Variants in KDM2A observed in about 807,000 individuals in gnomAD.
The protein encoded by KDM2A is lysine-specific demethylase 2A.
Under a neutral mutation model 137.3 loss-of-function variants are expected in KDM2A, and 3 were observed. The observed-to-expected ratio is 0.02, with a 90% confidence interval of 0.01 to 0.06. The LOEUF (loss-of-function observed/expected upper bound fraction) is 0.06, where lower values mean the gene tolerates loss of function less well. Among genes scored for constraint, KDM2A ranks in the 10% least tolerant of loss-of-function variants. The probability of loss-of-function intolerance (pLI) is 1.00; values close to 1 mark genes in which losing one functional copy is unlikely to be tolerated. For synonymous variants in KDM2A, 512 were observed against 541.5 expected, an observed-to-expected ratio of 0.95 and a Z score of 0.76; for missense variants, 738 against 1,510.6, an observed-to-expected ratio of 0.49 and a Z score of 8.48.
intron 2 of KDM2A, among the ~76,000 whole-genome samples, chr11:67,154,134 A>C (rs941599402): frequency 6.6e-6 from 1 of 152,220 alleles, no homozygotes; most frequent in African/African-American, 2.4e-5. Context: ...TTTATGCATT[A>C]TATTTGACTG....
At chr11:67,239,429 A>C (rs960759410) in intron 12 of KDM2A, among the ~76,000 whole-genome samples, 1 of 152,186 alleles carries the variant, frequency 6.6e-6, no homozygotes, top group Non-Finnish European at 1.5e-5. Context: ...ATTTTATTGA[A>C]TATCTCAATA....
At chr11:67,208,847 G>C (rs981312421) in intron 6 of KDM2A, among the ~76,000 whole-genome samples, 12 of 151,914 alleles carry the variant, frequency 7.9e-5, no homozygotes, top group African/African-American at 2.9e-4. Flanking sequence ...GAGAGGCTAA[G>C]ACAGGAGAAT....
chr11:67,139,608 G>A (rs1159956160), intron 2 of KDM2A, among the ~76,000 whole-genome samples: 1 of 152,012 alleles, frequency 6.6e-6, no homozygotes, highest in Non-Finnish European at 1.5e-5. Flanking sequence ...TGAACTCCTA[G>A]GCTCAAGTGA....
intron 2 of KDM2A, among the ~76,000 whole-genome samples, chr11:67,139,918 C>T (rs1856057446): frequency 6.6e-6 from 1 of 151,946 alleles, no homozygotes; most frequent in Non-Finnish European, 1.5e-5. Flanking sequence ...CTGTGTTGCA[C>T]TGGCTGGTCT....
chr11:67,151,119 C>G (rs1461302307), intron 2 of KDM2A, among the ~76,000 whole-genome samples: 1 of 152,054 alleles, frequency 6.6e-6, no homozygotes, highest in African/African-American at 2.4e-5. Flanking sequence ...ACCAATTATG[C>G]TGAAAATACA....
At chr11:67,200,317 G>A (rs931709048) in intron 5 of KDM2A, among the ~76,000 whole-genome samples, 2 of 152,002 alleles carry the variant, frequency 1.3e-5, no homozygotes, top group African/African-American at 2.4e-5. Context: ...CTGGGTTCAC[G>A]CCATTCTCCT....
chr11:67,151,120 T>C (rs1424963025), intron 2 of KDM2A, among the ~76,000 whole-genome samples: 1 of 152,164 alleles, frequency 6.6e-6, no homozygotes, highest in African/African-American at 2.4e-5. Flanking sequence ...CCAATTATGC[T>C]GAAAATACAG....
At chr11:67,138,086 G>A (rs1047916732) in intron 2 of KDM2A, among the ~76,000 whole-genome samples, 7 of 152,082 alleles carry the variant, frequency 4.6e-5, no homozygotes, top group South Asian at 2.1e-4. Context: ...GTGAACCACC[G>A]CGCCTGGCCA....
At chr11:67,125,473 A>G (rs1354510342) in intron 2 of KDM2A, among the ~76,000 whole-genome samples, 1 of 152,026 alleles carries the variant, frequency 6.6e-6, no homozygotes, top group Non-Finnish European at 1.5e-5. Flanking sequence ...AAAAAAAATC[A>G]GAAATAACTA....
intron 2 of KDM2A, among the ~76,000 whole-genome samples, chr11:67,170,651 G>C (rs985868759): frequency 4.6e-5 from 7 of 151,962 alleles, no homozygotes; most frequent in African/African-American, 1.7e-4. Context: ...CTCACCCAGT[G>C]ATCCGCCCGC....
chr11:67,243,124 G>GCAGC, intron 13 of KDM2A, 32 bp downstream of exon 13: 2 of 1,499,042 alleles, frequency 1.3e-6, no homozygotes, highest in Non-Finnish European at 1.9e-6. Flanking sequence ...TCTTTAGGCT[G>GCAGC]CTTAAGCCTT....
At chr11:67,221,902 T>C (rs1299971556) in intron 10 of KDM2A, among the ~76,000 whole-genome samples, 7 of 150,874 alleles carry the variant, frequency 4.6e-5, no homozygotes, top group Non-Finnish European at 8.8e-5. Context: ...GCCACTGTAC[T>C]CCAGCCTGGG....
chr11:67,221,738 A>C (rs924100431), intron 10 of KDM2A, among the ~76,000 whole-genome samples: 1 of 152,124 alleles, frequency 6.6e-6, no homozygotes, highest in African/African-American at 2.4e-5. Flanking sequence ...GAGAGCCCAA[A>C]GTGGGAGGAT....
At chr11:67,247,040 TATATATA>T (rs1859245563) in intron 15 of KDM2A, among the ~76,000 whole-genome samples, 10 of 19,210 alleles carry the variant, frequency 5.2e-4, no homozygotes, top group African/African-American at 1.7e-3. Context: ...AATTATTTTA[TATATATA>T]TATATATATA....
intron 2 of KDM2A, among the ~76,000 whole-genome samples, chr11:67,129,521 T>G (rs1280657604): frequency 1.3e-5 from 2 of 151,700 alleles, no homozygotes; most frequent in Non-Finnish European, 1.5e-5. Flanking sequence ...GATCACAAGG[T>G]CAGGAGATCG....
At chr11:67,140,433 G>A (rs1220880387) in intron 2 of KDM2A, among the ~76,000 whole-genome samples, 1 of 151,906 alleles carries the variant, frequency 6.6e-6, no homozygotes, top group African/African-American at 2.4e-5. Context: ...AACATAGCAA[G>A]ACTGTCTCAA....
Position 67,119,343 on chromosome 11 carries a change from G to T in KDM2A, c.-790G>T. The T allele has an allele frequency of 6.0e-6, 1 of 167,474 alleles. No homozygotes were observed. Among genetic ancestry groups the T allele is most frequent in the South Asian group, 1.6e-4 (1 of 6,326 alleles). 10.4% of individuals were successfully genotyped at this position (167,474 alleles called of 1,614,324 possible). ...TGTGAGGGAAACAACACCCCTCCCCGGCAGCGGCGGCGGCGGCGGCGGCTC... is the reference window on the plus strand; with the variant it reads ...TGTGAGGGAAACAACACCCCTCCCCTGCAGCGGCGGCGGCGGCGGCGGCTC... On this transcript the variant is annotated 5_prime_UTR_variant, in exon 1 of 21. Transcript: ENST00000529006.
intron 3 of KDM2A, among the ~76,000 whole-genome samples, chr11:67,181,018 A>G (rs995380922): frequency 2.1e-5 from 3 of 145,914 alleles, no homozygotes; most frequent in Non-Finnish European, 4.5e-5. Flanking sequence ...TCTGTTTAGC[A>G]TTTATAAGAT....
chr11:67,119,851 C>G lies in KDM2A; in HGVS notation c.-282C>G, dbSNP rs1855556952. 2.0e-5 allele frequency: 3 copies of G among 152,066 alleles called. No individual in the cohort carries two copies. The South Asian group carries it at 6.2e-4, about 32-fold the overall frequency. The allele number at this position is 152,066 out of a possible 1,614,324, so 9.4% of individuals were successfully genotyped here. On this transcript the variant is annotated 5_prime_UTR_variant, in exon 1 of 21. Coordinates refer to ENST00000529006, the MANE Select transcript of KDM2A (RefSeq NM_012308.3). ...TCGCGCTCCTCTCTCCTGACGCCTC[C>G]GACTCCCGGTCTCCAAAGCCAGAAG... is the stretch of plus-strand genomic sequence containing the variant.
Sources: allele counts gnomAD v4.1 joint callset (sites outside exome capture counted in the v4.1 genomes callset), GRCh38; gene constraint gnomAD v4.1.1; transcripts MANE v1.5; gene names NCBI Gene and HGNC (gene_info 2026-07-23, HGNC 2026-07-21).